CAPZB: variants seen among roughly 807,000 people sequenced by gnomAD.
CAPZB encodes the protein capping actin protein of muscle Z-line subunit beta.
In CAPZB, 2 loss-of-function variants were observed where a neutral mutation model predicts 38.1. The observed-to-expected ratio is 0.05, with a 90% confidence interval of 0.02 to 0.17. The LOEUF (loss-of-function observed/expected upper bound fraction) is 0.17, where lower values mean the gene tolerates loss of function less well. CAPZB is among the 10% of genes least tolerant of loss of function. The probability of loss-of-function intolerance (pLI) is 1.00; values close to 1 mark genes in which losing one functional copy is unlikely to be tolerated. For synonymous variants in CAPZB, 107 were observed against 127.4 expected, an observed-to-expected ratio of 0.84 and a Z score of 1.08; for missense variants, 161 against 334.2, an observed-to-expected ratio of 0.48 and a Z score of 4.04.
At chr1:19,346,079 C>G (rs907955627) in intron 6 of CAPZB, among the ~76,000 whole-genome samples, 4 of 152,150 alleles carry the variant, frequency 2.6e-5, no homozygotes, top group Non-Finnish European at 4.4e-5. Context: ...TTATCTGAAG[C>G]CTTATTTCCC....
At chr1:19,439,532 T>A (rs1015728953) in intron 1 of CAPZB, among the ~76,000 whole-genome samples, 4 of 152,230 alleles carry the variant, frequency 2.6e-5, no homozygotes, top group African/African-American at 4.8e-5. Flanking sequence ...ATGTCCCCAG[T>A]CAGCCTGTGT....
intron 1 of CAPZB, among the ~76,000 whole-genome samples, chr1:19,457,927 G>A (rs1481901811): frequency 6.6e-6 from 1 of 152,152 alleles, no homozygotes; most frequent in Non-Finnish European, 1.5e-5. Context: ...CCTGCCATCT[G>A]ATGTTTAAGG....
intron 1 of CAPZB, among the ~76,000 whole-genome samples, chr1:19,461,463 C>T (rs1441584672): frequency 6.6e-6 from 1 of 152,184 alleles, no homozygotes; most frequent in Non-Finnish European, 1.5e-5. Context: ...CATCCAGAGG[C>T]ACTCCAGTCG....
In CAPZB at chr1:19,386,153, G is replaced by C. The variant is rs551301981; in HGVS notation, c.94-527C>G. Among the ~76,000 whole-genome samples, 119 of 152,308 alleles carry C rather than the reference G, an allele frequency of 7.8e-4. 1 individual carries two copies. Among genetic ancestry groups the C allele is most frequent in the African/African-American group, 2.8e-3 (116 of 41,548 alleles). On this transcript the variant is annotated intron_variant, in intron 2 of 8. Coordinates refer to ENST00000264202, the MANE Select transcript of CAPZB (RefSeq NM_004930.5). ...GAGTCAACTCTATCTGCTGCAAAGA[G>C]AGCTTCACCCCGGCTCCCCCACAGC... is the stretch of plus-strand genomic sequence containing the variant.
chr1:19,453,036 C>A (rs2094521842), intron 1 of CAPZB, among the ~76,000 whole-genome samples: 1 of 151,860 alleles, frequency 6.6e-6, no homozygotes, highest in South Asian at 2.1e-4. Flanking sequence ...AACTCCTGAC[C>A]TCAGGTGATC....
In CAPZB at chr1:19,369,883, C is replaced by T. The variant is rs115181640; in HGVS notation, c.329+8657G>A. On this transcript the variant is annotated intron_variant, in intron 4 of 8. Transcript: ENST00000264202. ...AGTCCGCAGGCCTGGCCGTTTCCAG[C>T]GGTGGAAAAAGCCCCCGGGGCACCT... Among the ~76,000 whole-genome samples the T allele has an allele frequency of 7.3e-3, 1,114 of 152,262 alleles. 12 individuals are homozygous for T. Among genetic ancestry groups the T allele is most frequent in the African/African-American group, 0.026 (1,069 of 41,542 alleles).
At chr1:19,387,935 T>C (rs1233790838) in intron 2 of CAPZB, among the ~76,000 whole-genome samples, 8 of 152,202 alleles carry the variant, frequency 5.3e-5, no homozygotes, top group African/African-American at 1.4e-4. Context: ...ATATCATCTG[T>C]CACCTGTTAC....
chr1:19,440,480 T>A (rs1285868364), intron 1 of CAPZB, among the ~76,000 whole-genome samples: 1 of 152,194 alleles, frequency 6.6e-6, no homozygotes, highest in Admixed American at 6.5e-5. Flanking sequence ...CAGTCCAAAC[T>A]TTTCCTCACC....
chr1:19,384,106 G>A (rs997438660), intron 3 of CAPZB, among the ~76,000 whole-genome samples: 2 of 152,178 alleles, frequency 1.3e-5, no homozygotes, highest in Admixed American at 6.5e-5. Context: ...CAATGTCTGT[G>A]CCATTCAACA....
intron 4 of CAPZB, among the ~76,000 whole-genome samples, chr1:19,360,406 A>G (rs1198146777): frequency 2.6e-5 from 4 of 152,208 alleles, no homozygotes; most frequent in Non-Finnish European, 4.4e-5. Flanking sequence ...GCCCTTCTGG[A>G]AAGAAGGCTT....
At chr1:19,367,579 G>A (rs771250387) in intron 4 of CAPZB, among the ~76,000 whole-genome samples, 27 of 152,198 alleles carry the variant, frequency 1.8e-4, no homozygotes, top group Non-Finnish European at 1.9e-4. Context: ...TGTGTGTTGA[G>A]ACCAGCTGTT....
At chr1:19,429,683 T>C (rs2094435924) in intron 1 of CAPZB, among the ~76,000 whole-genome samples, 2 of 152,180 alleles carry the variant, frequency 1.3e-5, no homozygotes, top group Non-Finnish European at 2.9e-5. Context: ...TTACATAACA[T>C]TTTTTAGGTG....
At position 19,474,072 on chromosome 1, in the gene CAPZB, T is replaced by G. The variant is rs981373143; in HGVS notation, c.3+11364A>C. Among the ~76,000 whole-genome samples the G allele has an allele frequency of 2.8e-4, 43 of 151,994 alleles. 1 individual carries two copies. The highest frequency in any genetic ancestry group is 9.7e-4 in the African/African-American group (40 of 41,426). Reference sequence around the variant, plus strand: ...AGGCAGTGATGTGATCTCGGCTCACTGCAACTTCTACCTCCCAGGCTCAAA... The same window carrying G: ...AGGCAGTGATGTGATCTCGGCTCACGGCAACTTCTACCTCCCAGGCTCAAA... On this transcript the variant is annotated intron_variant, in intron 1 of 8. Coordinates refer to ENST00000264202, the MANE Select transcript of CAPZB (RefSeq NM_004930.5).
intron 2 of CAPZB, 190 bp from the exon 3 acceptor site, chr1:19,385,816 A>C: frequency 1.3e-6 from 1 of 762,274 alleles, no homozygotes; most frequent in Non-Finnish European, 2.4e-6. Context: ...TCTATAAAGA[A>C]ACCCATTCTT....
chr1:19,448,779 T>A, intron 1 of CAPZB: 1 of 1,607,150 alleles, frequency 6.2e-7, no homozygotes, highest in Non-Finnish European at 8.5e-7. Flanking sequence ...TCAACCCTGA[T>A]GGCCACGGCC....
rs375411430 is a variant in CAPZB at position 19,410,337 on chromosome 1, AT to A, written c.93+9323del. ...TAGAAATAAGCTCCCTTACTGAACCATCCCGTTGGTTCTTGCAGTGCACTGC... is the reference window on the plus strand; with the variant it reads ...TAGAAATAAGCTCCCTTACTGAACCACCCGTTGGTTCTTGCAGTGCACTGC... On this transcript the variant is annotated intron_variant, in intron 2 of 8. Transcript: ENST00000264202. Among the ~76,000 whole-genome samples, 32 of 152,348 alleles carry A rather than the reference AT, an allele frequency of 2.1e-4. 1 individual carries two copies. The highest frequency in any genetic ancestry group is 7.5e-4 in the African/African-American group (31 of 41,578).
intron 1 of CAPZB, among the ~76,000 whole-genome samples, chr1:19,462,653 T>A (rs1447835719): frequency 2.6e-5 from 4 of 152,156 alleles, no homozygotes; most frequent in Non-Finnish European, 5.9e-5. Flanking sequence ...AAACAACATA[T>A]TCACCTATTC....
chr1:19,481,138 A>G (rs2094627044), intron 1 of CAPZB, among the ~76,000 whole-genome samples: 1 of 152,120 alleles, frequency 6.6e-6, no homozygotes, highest in Non-Finnish European at 1.5e-5. Flanking sequence ...AGTTGAACCT[A>G]CCTTGTCAGG....
At chr1:19,364,299 C>A (rs959280264) in intron 4 of CAPZB, among the ~76,000 whole-genome samples, 1 of 152,202 alleles carries the variant, frequency 6.6e-6, no homozygotes, top group Non-Finnish European at 1.5e-5. Flanking sequence ...TGCATCAGGG[C>A]CTGTATGAGG....
Sources: allele counts gnomAD v4.1 joint callset (sites outside exome capture counted in the v4.1 genomes callset), GRCh38; gene constraint gnomAD v4.1.1; transcripts MANE v1.5; gene names NCBI Gene and HGNC (gene_info 2026-07-23, HGNC 2026-07-21).